NRCAM: variants seen among roughly 807,000 people sequenced by gnomAD.
NRCAM encodes the protein neuronal cell adhesion molecule.
In NRCAM, 83 loss-of-function variants were observed where a neutral mutation model predicts 156.5. That is an observed-to-expected ratio of 0.53 (90% CI 0.44 to 0.64). The LOEUF (loss-of-function observed/expected upper bound fraction) is 0.64. Ranked by LOEUF, NRCAM falls within the 30% of genes least tolerant of loss-of-function variation. The pLI is 0.00. For missense variants in NRCAM, 1,417 were observed against 1,597.3 expected, an observed-to-expected ratio of 0.89 and a Z score of 1.92; for synonymous variants, 538 against 563.9, an observed-to-expected ratio of 0.95 and a Z score of 0.65.
chr7:108,160,596 T>A (rs2048324898), intron 30 of NRCAM, 104 bp from the exon 31 acceptor site: 2 of 901,630 alleles, frequency 2.2e-6, no homozygotes, highest in Non-Finnish European at 3.2e-6. Flanking sequence ...AGCTTTCATA[T>A]ATTTTACATG....
intron 12 of NRCAM, among the ~76,000 whole-genome samples, chr7:108,208,752 C>T (rs2082463857): frequency 6.6e-6 from 1 of 152,048 alleles, no homozygotes. Context: ...TCATGATTAC[C>T]CTGAGGTTTT....
intron 3 of NRCAM, among the ~76,000 whole-genome samples, chr7:108,305,352 T>C (rs1214951060): frequency 1.3e-5 from 2 of 152,236 alleles, no homozygotes; most frequent in African/African-American, 2.4e-5. Flanking sequence ...TTCCAGGTCA[T>C]TTGAATCATT....
intron 26 of NRCAM, 24 bp downstream of exon 26, chr7:108,177,966 C>G (rs1456394014): frequency 6.4e-6 from 10 of 1,570,060 alleles, no homozygotes; most frequent in Non-Finnish European, 8.6e-6. Flanking sequence ...CATATTTCCC[C>G]TTCTCTTCCT....
At position 108,240,265 on chromosome 7, in the gene NRCAM, T is replaced by C. The variant is rs2095436789; in HGVS notation, c.-106-95A>G. ...GCAGCACAGAGAACTAGCCGTGTAT[T>C]ATACATGAACTCTAAAAGAAAGTTA... On this transcript the variant is annotated intron_variant, in intron 3 of 32. Transcript: ENST00000379028. 3 of 445,880 alleles carry C rather than the reference T, an allele frequency of 6.7e-6. No homozygotes were observed. The Admixed American group carries it at 1.2e-4, about 17-fold the overall frequency. 27.6% of individuals were successfully genotyped at this position (445,880 alleles called of 1,614,324 possible).
chr7:108,200,048 A>T (rs1249768203), intron 13 of NRCAM, among the ~76,000 whole-genome samples: 1 of 152,218 alleles, frequency 6.6e-6, no homozygotes, highest in Non-Finnish European at 1.5e-5. Context: ...TTCATTCCCA[A>T]GGAAAAATGT....
intron 2 of NRCAM, among the ~76,000 whole-genome samples, chr7:108,375,065 C>T (rs1313929583): frequency 6.6e-6 from 1 of 152,042 alleles, no homozygotes; most frequent in African/African-American, 2.4e-5. Context: ...AGCCACCCAG[C>T]CCAGACTGTC....
intron 2 of NRCAM, among the ~76,000 whole-genome samples, chr7:108,369,852 A>C (rs2099617528): frequency 6.6e-6 from 1 of 152,170 alleles, no homozygotes; most frequent in South Asian, 2.1e-4. Flanking sequence ...TTAGAATATA[A>C]AATTTTTAAA....
intron 25 of NRCAM, among the ~76,000 whole-genome samples, chr7:108,179,132 A>C (rs1586671795): frequency 6.6e-6 from 1 of 152,200 alleles, no homozygotes; most frequent in Non-Finnish European, 1.5e-5. Flanking sequence ...GAATCTGATG[A>C]CAGCCATAAA....
intron 1 of NRCAM, among the ~76,000 whole-genome samples, chr7:108,406,811 G>C (rs567199037): frequency 2.1e-4 from 32 of 152,272 alleles, no homozygotes; most frequent in African/African-American, 7.2e-4. Flanking sequence ...ATTTTGCTTA[G>C]CTCCAGTCAT....
intron 3 of NRCAM, among the ~76,000 whole-genome samples, chr7:108,264,395 G>A (rs1448565133): frequency 1.3e-5 from 2 of 152,110 alleles, no homozygotes; most frequent in Non-Finnish European, 2.9e-5. Flanking sequence ...TGAGTTACAT[G>A]TTTTCTTGGC....
At chr7:108,207,418 G>A (rs917899724) in intron 13 of NRCAM, 110 bp downstream of exon 13, 13 of 1,076,860 alleles carry the variant, frequency 1.2e-5, no homozygotes, top group Non-Finnish European at 1.6e-5. Context: ...TAACATACAT[G>A]TGGCTTCCTT....
intron 2 of NRCAM, among the ~76,000 whole-genome samples, chr7:108,353,493 A>T (rs929418942): frequency 6.6e-6 from 1 of 151,882 alleles, no homozygotes; most frequent in African/African-American, 2.4e-5. Context: ...ATAATTTTAA[A>T]TTTTTTTTAG....
intron 32 of NRCAM, among the ~76,000 whole-genome samples, chr7:108,157,531 T>C (rs2046253666): frequency 6.6e-6 from 1 of 152,140 alleles, no homozygotes; most frequent in South Asian, 2.1e-4. Flanking sequence ...TAACAGTCTT[T>C]TGATTCCAAG....
At chr7:108,355,825 T>A (rs1288351101) in intron 2 of NRCAM, among the ~76,000 whole-genome samples, 1 of 152,242 alleles carries the variant, frequency 6.6e-6, no homozygotes, top group African/African-American at 2.4e-5. Flanking sequence ...AGGGCAATGA[T>A]AATCTGTGGC....
chr7:108,176,421 C>T lies in NRCAM; in HGVS notation c.3151+9G>A, dbSNP rs761443725. On this transcript the variant is annotated intron_variant, in intron 27 of 32. Transcript: ENST00000379028. ...ATAATTATATGGATTTTATACATAC[C>T]CATCTTACCTTCATCCACAGTTGTT... 1.1e-5 allele frequency: 18 copies of T among 1,606,696 alleles called. No individual in the cohort carries two copies. The highest frequency in any genetic ancestry group is 1.5e-5 in the Non-Finnish European group (18 of 1,174,818).
chr7:108,430,094 C>T (rs1822999708), intron 1 of NRCAM, among the ~76,000 whole-genome samples: 1 of 152,076 alleles, frequency 6.6e-6, no homozygotes, highest in African/African-American at 2.4e-5. Context: ...TTGGGGGGTG[C>T]ACAAGGAAAG....
At chr7:108,181,530 G>T (rs1383146562) in intron 24 of NRCAM, among the ~76,000 whole-genome samples, 1 of 152,018 alleles carries the variant, frequency 6.6e-6, no homozygotes, top group African/African-American at 2.4e-5. Flanking sequence ...TAATATTCTA[G>T]GTCTTTAAAA....
chr7:108,161,601 C>T (rs574724138), intron 30 of NRCAM, among the ~76,000 whole-genome samples: 12 of 152,150 alleles, frequency 7.9e-5, no homozygotes, highest in Admixed American at 1.3e-4. Flanking sequence ...GAATTTCTTC[C>T]GAATATATTT....
chr7:108,430,800 C>T (rs1824058949), intron 1 of NRCAM, among the ~76,000 whole-genome samples: 1 of 152,086 alleles, frequency 6.6e-6, no homozygotes, highest in Non-Finnish European at 1.5e-5. Flanking sequence ...AAACCACTTC[C>T]TCTGTGGTGA....
Sources: allele counts gnomAD v4.1 joint callset (sites outside exome capture counted in the v4.1 genomes callset), GRCh38; gene constraint gnomAD v4.1.1; transcripts MANE v1.5; gene names NCBI Gene and HGNC (gene_info 2026-07-23, HGNC 2026-07-21).